Variants in GHR observed in about 807,000 individuals in gnomAD.
GHR encodes growth hormone receptor.
Under a neutral mutation model 67.1 loss-of-function variants are expected in GHR, and 35 were observed. The ratio of observed to expected loss-of-function variants is 0.52; its 90% CI spans 0.40 to 0.69. The LOEUF is 0.69. GHR is among the 30% of genes least tolerant of loss of function. The pLI, the probability that GHR is intolerant of heterozygous loss-of-function variation, is 0.00. For missense variants in GHR, 792 were observed against 764.6 expected (o/e 1.04, Z -0.42); for synonymous variants, 272 against 269.1 (o/e 1.01, Z -0.10).
intron 4 of GHR, among the ~76,000 whole-genome samples, chr5:42,694,674 T>G (rs1382996787): frequency 2.6e-5 from 4 of 152,214 alleles, no homozygotes. Context: ...AGGCATAGCA[T>G]ATTCATTCAA....
chr5:42,610,042 A>G (rs546722905), intron 2 of GHR, among the ~76,000 whole-genome samples: 1 of 152,226 alleles, frequency 6.6e-6, no homozygotes, highest in Non-Finnish European at 1.5e-5. Context: ...GCACAATTTT[A>G]TAAGTGTGAT....
intron 1 of GHR, chr5:42,550,182 A>T (rs1055013500): frequency 3.7e-6 from 2 of 542,382 alleles, no homozygotes; most frequent in African/African-American, 4.1e-5. Context: ...GACAACAAGG[A>T]ATACTGAAAA....
chr5:42,673,255 C>CA (rs757591277), intron 3 of GHR, among the ~76,000 whole-genome samples: 3 of 152,002 alleles, frequency 2.0e-5, no homozygotes, highest in Non-Finnish European at 4.4e-5. Context: ...AAGTCAAAAA[C>CA]AACAGACGCT....
chr5:42,562,950 A>G (rs1252618755), intron 1 of GHR, among the ~76,000 whole-genome samples: 5 of 152,064 alleles, frequency 3.3e-5, no homozygotes, highest in African/African-American at 1.2e-4. Flanking sequence ...CGCCCCACCT[A>G]GTTCTTTATT....
At chr5:42,544,306 A>G (rs539285506) in intron 1 of GHR, among the ~76,000 whole-genome samples, 1 of 152,320 alleles carries the variant, frequency 6.6e-6, no homozygotes, top group East Asian at 1.9e-4. Context: ...CTAATTCTCA[A>G]ATAAATGTAA....
At chr5:42,590,906 T>A (rs1386302759) in intron 2 of GHR, among the ~76,000 whole-genome samples, 5 of 152,206 alleles carry the variant, frequency 3.3e-5, no homozygotes, top group Non-Finnish European at 7.3e-5. Context: ...GGGACTACAG[T>A]TGATTTTCCT....
intron 2 of GHR, among the ~76,000 whole-genome samples, chr5:42,602,511 T>C (rs1454130528): frequency 6.6e-6 from 1 of 152,202 alleles, no homozygotes; most frequent in East Asian, 1.9e-4. Flanking sequence ...CCATTTACAA[T>C]TTAAGTAATT....
intron 2 of GHR, among the ~76,000 whole-genome samples, chr5:42,622,506 G>A (rs561475380): frequency 1.1e-4 from 16 of 152,264 alleles, no homozygotes; most frequent in African/African-American, 3.6e-4. Flanking sequence ...CACATTCCCA[G>A]GACCTTTCCA....
intron 1 of GHR, among the ~76,000 whole-genome samples, chr5:42,544,094 G>C (rs1363315575): frequency 6.6e-6 from 1 of 152,022 alleles, no homozygotes; most frequent in African/African-American, 2.4e-5. Flanking sequence ...AAAGCCTAAA[G>C]GCAGCCTGGC....
chr5:42,678,488 A>G (rs2111563794), intron 3 of GHR, among the ~76,000 whole-genome samples: 1 of 152,304 alleles, frequency 6.6e-6, no homozygotes. Flanking sequence ...TCACTAGGAT[A>G]ATCCCTGATC....
intron 1 of GHR, among the ~76,000 whole-genome samples, chr5:42,520,552 G>C (rs1747428279): frequency 1.3e-5 from 2 of 152,258 alleles, no homozygotes; most frequent in South Asian, 2.1e-4. Flanking sequence ...AAACTGGAAT[G>C]ACACTCAGGC....
In GHR at chr5:42,709,928, G is replaced by C. The variant is rs559444998; in HGVS notation, c.619-1279G>C. Among the ~76,000 whole-genome samples, 9 of 151,890 alleles carry C rather than the reference G, an allele frequency of 5.9e-5. No individual in the cohort carries two copies. In the South Asian group the frequency reaches 1.9e-3, roughly 32 times the overall value. On this transcript the variant is annotated intron_variant, in intron 6 of 9. Transcript: ENST00000230882. The stretch of plus-strand genomic sequence containing the variant: ...GGAGGGTTGAGGGAATATGAAGAGA[G>C]GACCACAACTTGAATCACTGAGGGC...
At position 42,424,988 on chromosome 5, in the gene GHR, T is replaced by C; in HGVS notation, c.-12+1033T>C. On this transcript the variant is annotated intron_variant, in intron 1 of 9. Coordinates refer to ENST00000230882, the MANE Select transcript of GHR (RefSeq NM_000163.5). The surrounding 1 kb of genome is among the most constrained non-coding windows in gnomAD (Gnocchi z 4.1). Reference sequence around the variant, plus strand: ...TGCAGGGTGGAAGAGGCCACAGAGGTGCCGCCTGTCTGTTTGTGCCGCCAG... The same window carrying C: ...TGCAGGGTGGAAGAGGCCACAGAGGCGCCGCCTGTCTGTTTGTGCCGCCAG... 1.0e-6 allele frequency: 1 copy of C among 985,070 alleles called. No individual in the cohort carries two copies. Among genetic ancestry groups the C allele is most frequent in the Non-Finnish European group, 1.2e-6 (1 of 829,724 alleles). The allele number at this position is 985,070 out of a possible 1,614,324, so 61.0% of individuals were successfully genotyped here.
At chr5:42,494,345 ACTTAC>A (rs940676469) in intron 1 of GHR, among the ~76,000 whole-genome samples, 2 of 152,094 alleles carry the variant, frequency 1.3e-5, no homozygotes, top group African/African-American at 4.8e-5. Flanking sequence ...GGTGCTAGTA[ACTTAC>A]CTTAAGAAGT....
At chr5:42,481,868 C>T (rs184184949) in intron 1 of GHR, among the ~76,000 whole-genome samples, 83 of 152,184 alleles carry the variant, frequency 5.5e-4, no homozygotes, top group African/African-American at 1.9e-3. Flanking sequence ...CGTCTGAAGC[C>T]TTCTTCTCTC....
intron 1 of GHR, among the ~76,000 whole-genome samples, chr5:42,521,209 C>T (rs1456709930): frequency 6.6e-6 from 1 of 152,144 alleles, no homozygotes; most frequent in African/African-American, 2.4e-5. Context: ...TGAAGAAAAC[C>T]TCTTGCAAGA....
intron 1 of GHR, among the ~76,000 whole-genome samples, chr5:42,453,149 C>G (rs1744121883): frequency 6.6e-6 from 1 of 151,776 alleles, no homozygotes. Context: ...GGTGAAGACT[C>G]TGTACGAGAT....
In GHR at chr5:42,465,999, T is replaced by A. The variant is rs1043129872; in HGVS notation, c.-12+42044T>A. The A allele has an allele frequency of 5.1e-6, 3 of 593,868 alleles. No individual in the cohort carries two copies. The Admixed American group carries it at 8.1e-5, about 16-fold the overall frequency. 36.8% of individuals were successfully genotyped at this position (593,868 alleles called of 1,614,324 possible). On this transcript the variant is annotated intron_variant, in intron 1 of 9. Coordinates refer to ENST00000230882, the MANE Select transcript of GHR (RefSeq NM_000163.5). ...GCAGGTCTTCTTCCAACTTGTCTTA[T>A]TCCTTCTTCTTTTTGTGTTTTTTAT...
chr5:42,605,395 C>T (rs907123936), intron 2 of GHR, among the ~76,000 whole-genome samples: 4 of 151,954 alleles, frequency 2.6e-5, no homozygotes, highest in African/African-American at 7.3e-5. Flanking sequence ...TGAGAGCCAC[C>T]GCGCCCGGCC....
Sources: allele counts gnomAD v4.1 joint callset (sites outside exome capture counted in the v4.1 genomes callset), GRCh38; gene constraint gnomAD v4.1.1; non-coding constraint Gnocchi (gnomAD v3.1); transcripts MANE v1.5; gene names NCBI Gene and HGNC (gene_info 2026-07-23, HGNC 2026-07-21).